Variants in MAP3K13 observed in about 807,000 individuals in gnomAD.
The protein encoded by MAP3K13 is mitogen-activated protein kinase kinase kinase 13.
In MAP3K13, 52 loss-of-function variants were observed where a neutral mutation model predicts 104.0. The ratio of observed to expected loss-of-function variants is 0.50; its 90% CI spans 0.40 to 0.63. The LOEUF is 0.63. MAP3K13 is among the 20% of genes least tolerant of loss of function. The pLI is 0.00. For synonymous variants in MAP3K13, 394 were observed against 442.2 expected, an observed-to-expected ratio of 0.89 and a Z score of 1.37; for missense variants, 914 against 1,218.5, an observed-to-expected ratio of 0.75 and a Z score of 3.72.
intron 1 of MAP3K13, among the ~76,000 whole-genome samples, chr3:185,408,537 A>C (rs1399017903): frequency 6.6e-6 from 1 of 151,472 alleles, no homozygotes; most frequent in African/African-American, 2.4e-5. Flanking sequence ...ATGCCACTGC[A>C]CTCCAGCCTG....
At chr3:185,468,627 G>A (rs1318538542) in intron 10 of MAP3K13, among the ~76,000 whole-genome samples, 1 of 152,238 alleles carries the variant, frequency 6.6e-6, no homozygotes, top group Non-Finnish European at 1.5e-5. Context: ...AACCAAGAAT[G>A]TATTATGACT....
chr3:185,336,575 A>AAGTATACCT (rs112306862), intron 2 of MAP3K13, among the ~76,000 whole-genome samples: 1 of 147,150 alleles, frequency 6.8e-6, no homozygotes, highest in Admixed American at 6.9e-5. Context: ...AAGTTTAAGG[A>AAGTATACCT]ATAATATTTC....
rs190421076 is a variant in MAP3K13, at chr3:185,488,035, T to C, written c.*5579T>C. The C allele has an allele frequency of 9.3e-4, 141 of 152,324 alleles. No homozygotes were observed. The highest frequency in any genetic ancestry group is 3.3e-3 in the African/African-American group (136 of 41,566). The allele number at this position is 152,324 out of a possible 1,614,324, so 9.4% of individuals were successfully genotyped here. ...ACAATTCCAATTGAAGGAACACCAA[T>C]CACTGATGGATCCCATTCCAAAATG... On this transcript the variant is annotated 3_prime_UTR_variant, in exon 14 of 14. Transcript: ENST00000265026.
chr3:185,350,250 A>G (rs1723089225), intron 2 of MAP3K13, among the ~76,000 whole-genome samples: 1 of 152,102 alleles, frequency 6.6e-6, no homozygotes, highest in African/African-American at 2.4e-5. Context: ...CAGTGGCGCG[A>G]TCTCGGCTCA....
chr3:185,391,790 A>G (rs1303297239), intron 1 of MAP3K13, among the ~76,000 whole-genome samples: 5 of 152,162 alleles, frequency 3.3e-5, no homozygotes, highest in Admixed American at 2.6e-4. Flanking sequence ...ACTCTGTTTC[A>G]TCTCTCCTAG....
intron 2 of MAP3K13, among the ~76,000 whole-genome samples, chr3:185,311,305 G>A (rs1254147449): frequency 1.3e-5 from 2 of 152,098 alleles, no homozygotes; most frequent in Non-Finnish European, 2.9e-5. Context: ...CTTCTTACAG[G>A]GTGGCGGCAA....
chr3:185,348,024 A>G (rs926291330), intron 2 of MAP3K13, among the ~76,000 whole-genome samples: 13 of 151,694 alleles, frequency 8.6e-5, no homozygotes, highest in African/African-American at 2.9e-4. Context: ...AAAAAAAAAA[A>G]AAAGAAAGAA....
chr3:185,299,260 C>T (rs13098205), intron 2 of MAP3K13, among the ~76,000 whole-genome samples: 104,343 of 151,734 alleles, frequency 0.69, 37,091 homozygotes, highest in Non-Finnish European at 0.78. Flanking sequence ...TTTGGCAGAG[C>T]ATAGGAGGAA....
intron 2 of MAP3K13, among the ~76,000 whole-genome samples, chr3:185,351,382 G>T (rs1417752494): frequency 6.6e-6 from 1 of 152,272 alleles, no homozygotes; most frequent in Admixed American, 6.5e-5. Context: ...TAAAAATCTT[G>T]TTGGCTTTCC....
chr3:185,405,464 C>G (rs1479197254), intron 1 of MAP3K13, among the ~76,000 whole-genome samples: 2 of 152,214 alleles, frequency 1.3e-5, no homozygotes, highest in African/African-American at 2.4e-5. Context: ...GATCACTGTT[C>G]TGTATGCACC....
At chr3:185,424,503 T>C (rs188351673) in intron 1 of MAP3K13, among the ~76,000 whole-genome samples, 14 of 152,336 alleles carry the variant, frequency 9.2e-5, no homozygotes, top group Non-Finnish European at 1.3e-4. Context: ...ACAAGGATTA[T>C]GGTGCTGGAG....
chr3:185,327,805 G>A (rs1478151879), intron 2 of MAP3K13, among the ~76,000 whole-genome samples: 1 of 152,044 alleles, frequency 6.6e-6, no homozygotes, highest in Non-Finnish European at 1.5e-5. Flanking sequence ...TCAGGTATTC[G>A]GGAGGCTGAG....
At chr3:185,475,845 T>C (rs1718091281) in intron 11 of MAP3K13, among the ~76,000 whole-genome samples, 1 of 152,194 alleles carries the variant, frequency 6.6e-6, no homozygotes, top group African/African-American at 2.4e-5. Context: ...AGCAAGACTC[T>C]GTCTCAATAA....
In MAP3K13 at chr3:185,418,708, T is replaced by C. The variant is rs780633349; in HGVS notation, c.-85-9789T>C. The C allele has an allele frequency of 2.5e-6, 4 of 1,611,094 alleles. No homozygotes were observed. The highest frequency in any genetic ancestry group is 4.5e-5 in the East Asian group (2 of 44,856). On this transcript the variant is annotated intron_variant, in intron 1 of 13. Transcript: ENST00000265026. The surrounding 1 kb of genome is among the most constrained non-coding windows in gnomAD (Gnocchi z 4.5). ...AATAGGAGCCTTGAATACAGCAGGCTAAGTGACATTTTTGCCAGATGACTC... is the reference window on the plus strand; with the variant it reads ...AATAGGAGCCTTGAATACAGCAGGCCAAGTGACATTTTTGCCAGATGACTC...
intron 1 of MAP3K13, among the ~76,000 whole-genome samples, chr3:185,385,047 T>A (rs1484570424): frequency 6.6e-6 from 1 of 152,188 alleles, no homozygotes; most frequent in Non-Finnish European, 1.5e-5. Flanking sequence ...TTCCTTGATA[T>A]TTTTTTCTAG....
At chr3:185,329,464 G>A (rs2108704604) in intron 2 of MAP3K13, among the ~76,000 whole-genome samples, 1 of 152,334 alleles carries the variant, frequency 6.6e-6, no homozygotes, top group East Asian at 1.9e-4. Flanking sequence ...CCTGTAACAA[G>A]ATGTTGGGAT....
chr3:185,327,666 C>T (rs1308354597), intron 2 of MAP3K13, among the ~76,000 whole-genome samples: 1 of 152,184 alleles, frequency 6.6e-6, no homozygotes, highest in African/African-American at 2.4e-5. Context: ...AATACCAGCA[C>T]TTTGGGAGGC....
chr3:185,450,099 G>A lies in MAP3K13; in HGVS notation c.1169+41G>A, dbSNP rs766307242. 2.6e-6 allele frequency: 4 copies of A among 1,525,638 alleles called. No homozygotes were observed. Among genetic ancestry groups the A allele is most frequent in the South Asian group, 1.3e-5 (1 of 78,214 alleles). The allele number at this position is 1,525,638 out of a possible 1,614,324, so 94.5% of individuals were successfully genotyped here. ...CTAAAACAATAGGGAGGTCTCTAAT[G>A]TGTATTTGGAGTAAATATCCTGGTG... On this transcript the variant is annotated intron_variant, in intron 6 of 13. Coordinates refer to ENST00000265026, the MANE Select transcript of MAP3K13 (RefSeq NM_004721.5). The surrounding 1 kb of genome is among the most constrained non-coding windows in gnomAD (Gnocchi z 4.2).
exon 2 of MAP3K13, chr3:185,285,633 C>G: frequency 6.5e-7 from 1 of 1,535,002 alleles, no homozygotes; most frequent in African/African-American, 1.4e-5. Context: ...AATCCTAGCA[C>G]TCTGGGAGAG....
Sources: gnomAD v4.1 joint callset for allele counts (sites outside exome capture counted in the v4.1 genomes callset) on GRCh38, gnomAD v4.1.1 for gene constraint, Gnocchi (gnomAD v3.1) non-coding constraint, MANE v1.5 for transcripts, NCBI Gene and HGNC (gene_info 2026-07-23, HGNC 2026-07-21) for gene names.